Variants in SNED1 observed in about 807,000 individuals in gnomAD.
The protein encoded by SNED1 is sushi, nidogen and EGF-like domain-containing protein 1.
A neutral mutation model predicts 166.7 loss-of-function variants in SNED1; 81 were observed. The observed-to-expected ratio is 0.49, with a 90% CI of 0.41 to 0.58. The LOEUF is 0.58. Ranked by LOEUF, SNED1 falls within the 20% of genes least tolerant of loss-of-function variation. SNED1 has a pLI of 0.00. For synonymous variants in SNED1, 762 were observed against 822.0 expected (o/e 0.93, Z 1.25); for missense variants, 1,604 against 2,000.2 (o/e 0.80, Z 3.78).
At chr2:241,048,881 C>A in intron 10 of SNED1, 115 bp downstream of exon 10, 1 of 1,186,896 alleles carries the variant, frequency 8.4e-7, no homozygotes, top group Non-Finnish European at 1.2e-6. Context: ...TGGTTCTACC[C>A]CCACCCAGGA....
intron 31 of SNED1, chr2:241,089,980 C>A (rs1466199500): frequency 4.5e-6 from 7 of 1,548,010 alleles, no homozygotes; most frequent in Non-Finnish European, 6.1e-6. Context: ...AATGGTATAC[C>A]TGGGCAGGGC....
intron 8 of SNED1, among the ~76,000 whole-genome samples, chr2:241,044,312 C>T (rs960065887): frequency 1.3e-5 from 2 of 152,118 alleles, no homozygotes; most frequent in Admixed American, 1.3e-4. Context: ...CAAGAACCCA[C>T]TCTAAGTATA....
At chr2:241,084,118 G>A (rs1165093055) in intron 29 of SNED1, among the ~76,000 whole-genome samples, 1 of 148,758 alleles carries the variant, frequency 6.7e-6, no homozygotes, top group African/African-American at 2.5e-5. Flanking sequence ...AGTTCAATAT[G>A]ATGGCAGCGT....
intron 1 of SNED1, among the ~76,000 whole-genome samples, chr2:241,015,350 G>A (rs1285896006): frequency 6.6e-6 from 1 of 152,132 alleles, no homozygotes; most frequent in Non-Finnish European, 1.5e-5. Context: ...TTACTCTTAG[G>A]TACTTGGTTT....
At chr2:241,027,985 G>C (rs564946726) in intron 1 of SNED1, among the ~76,000 whole-genome samples, 1 of 151,928 alleles carries the variant, frequency 6.6e-6, no homozygotes, top group African/African-American at 2.4e-5. Flanking sequence ...CACCCACCTC[G>C]GCCTCCCAGA....
rs2062594239 is a variant in SNED1 at position 241,069,166 on chromosome 2, G to A, written c.3307+143G>A. 2 of 617,046 alleles carry A rather than the reference G, an allele frequency of 3.2e-6. No homozygotes were observed. 38.2% of individuals were successfully genotyped at this position (617,046 alleles called of 1,614,324 possible). A position where few individuals can be genotyped will look rare whatever the true frequency, so the allele number is the denominator to read the frequency against. On this transcript the variant is annotated intron_variant, in intron 23 of 31. Transcript: ENST00000310397. This position sits in a 1 kb window ranked among gnomAD's most constrained non-coding sequence, Gnocchi z 4.9. ...GGCCTCCCAGATGTCTCTTCCGCTG[G>A]GGCCACTGGGCAGGAGCCGCTGGGC...
At chr2:241,085,437 T>G (rs1381542607) in intron 29 of SNED1, among the ~76,000 whole-genome samples, 2 of 152,242 alleles carry the variant, frequency 1.3e-5, no homozygotes, top group Non-Finnish European at 2.9e-5. Flanking sequence ...CATTTAGTTG[T>G]TTCTTAGATG....
chr2:241,090,974 T>C (rs2063935161), intron 31 of SNED1, among the ~76,000 whole-genome samples: 1 of 152,090 alleles, frequency 6.6e-6, no homozygotes, highest in Non-Finnish European at 1.5e-5. Context: ...CATCGTGCAG[T>C]GCCTAACTGT....
chr2:241,035,318 C>T (rs2061313826), intron 4 of SNED1, among the ~76,000 whole-genome samples: 1 of 152,160 alleles, frequency 6.6e-6, no homozygotes, highest in Non-Finnish European at 1.5e-5. Context: ...TCCAGGGGTC[C>T]TTCCAGCCCA....
chr2:241,089,347 T>C lies in SNED1; in HGVS notation c.*1+945T>C, dbSNP rs2286322. 0.016 allele frequency: 24,716 copies of C among 1,550,502 alleles called. 2,072 individuals are homozygous for C. The East Asian group carries it at 0.21, about 13-fold the overall frequency. On this transcript the variant is annotated intron_variant, in intron 31 of 31. Transcript: ENST00000310397. ...GGGTAACAAGCCACTTCAAAACAGG[T>C]CTATGTTTTGTTACGTGCCTAAAAA...
intron 24 of SNED1, 68 bp downstream of exon 24, chr2:241,070,269 G>GA: frequency 6.7e-7 from 1 of 1,483,066 alleles, no homozygotes; most frequent in Non-Finnish European, 9.0e-7. Context: ...GTTCAGGACT[G>GA]ACCTGGCCCT....
intron 29 of SNED1, among the ~76,000 whole-genome samples, chr2:241,086,248 CTTCT>C (rs2063569203): frequency 1.3e-5 from 2 of 152,220 alleles, no homozygotes; most frequent in African/African-American, 4.8e-5. Flanking sequence ...CTCAGTAGTT[CTTCT>C]TTGCCTTGTG....
chr2:240,999,189 T>G lies in SNED1; in HGVS notation c.213+139T>G. On this transcript the variant is annotated intron_variant, in intron 1 of 31. Coordinates refer to ENST00000310397, the MANE Select transcript of SNED1 (RefSeq NM_001080437.3). This position sits in a 1 kb window ranked among gnomAD's most constrained non-coding sequence, Gnocchi z 5.8. The stretch of plus-strand genomic sequence containing the variant: ...GCCCGAGGTGGAATGAGGACAGCGC[T>G]TCCTCCTCGGCGGCCAAGGCCGGAC... The G allele has an allele frequency of 1.0e-5, 4 of 401,506 alleles. No homozygotes were observed. The highest frequency in any genetic ancestry group is 1.6e-5 in the Non-Finnish European group (4 of 256,738). The allele number at this position is 401,506 out of a possible 1,614,324, so 24.9% of individuals were successfully genotyped here.
chr2:241,052,922 G>A (rs1361761031), intron 15 of SNED1, among the ~76,000 whole-genome samples: 1 of 151,862 alleles, frequency 6.6e-6, no homozygotes, highest in Non-Finnish European at 1.5e-5. Flanking sequence ...GGGTCAAGTG[G>A]GGAGCGTGGG....
chr2:241,021,317 T>C (rs981333956), intron 1 of SNED1, among the ~76,000 whole-genome samples: 4 of 152,208 alleles, frequency 2.6e-5, no homozygotes, highest in Non-Finnish European at 5.9e-5. Context: ...TGCAGTTCAC[T>C]CTTTTAAAGT....
chr2:241,064,871 G>A lies in SNED1; in HGVS notation c.2627G>A (p.Cys876Tyr). 1.3e-6 allele frequency: 2 copies of A among 1,589,300 alleles called. No homozygotes were observed. The highest frequency in any genetic ancestry group is 1.7e-6 in the Non-Finnish European group (2 of 1,172,850). The part of the protein sequence containing the change: ...TVSDPCFSSP[C>Y]GGRGYCLASN... The stretch of plus-strand genomic sequence containing the variant: ...AGTGACCCCTGCTTCTCCAGCCCCT[G>A]TGGGGGCCGTGGCTATTGCCTGGCC... The change falls in exon 20 of 32, where the codon TGT becomes TAT. Residue 876 changes from cysteine to tyrosine, a missense_variant. Transcript: ENST00000310397. This position sits in a 1 kb window ranked among gnomAD's most constrained non-coding sequence, Gnocchi z 7.0.
chr2:241,088,526 C>A, intron 31 of SNED1, 124 bp downstream of exon 31: 2 of 790,732 alleles, frequency 2.5e-6, no homozygotes, highest in South Asian at 1.4e-5. Context: ...GAAGCGCGGT[C>A]CTGTGCTGCT....
chr2:240,998,805 G>A lies in SNED1; in HGVS notation c.-33G>A. The stretch of plus-strand genomic sequence containing the variant: ...GCCTAGTCCCCCAGCGCCCTGCTCC[G>A]CCAGCGCCCCGTCCCGCCCGCACAC... On this transcript the variant is annotated 5_prime_UTR_variant, in exon 1 of 32. Transcript: ENST00000310397. 1 of 1,120,648 alleles carries A rather than the reference G, an allele frequency of 8.9e-7. No homozygotes were observed. The highest frequency in any genetic ancestry group is 1.1e-6 in the Non-Finnish European group (1 of 910,872). The allele number at this position is 1,120,648 out of a possible 1,614,324, so 69.4% of individuals were successfully genotyped here.
intron 21 of SNED1, among the ~76,000 whole-genome samples, chr2:241,066,687 C>T (rs1305881284): frequency 6.6e-6 from 1 of 152,142 alleles, no homozygotes; most frequent in Non-Finnish European, 1.5e-5. Context: ...CAGCAGGGCC[C>T]TGCGGGGCGG....
Sources: allele counts gnomAD v4.1 joint callset (sites outside exome capture counted in the v4.1 genomes callset), GRCh38; gene constraint gnomAD v4.1.1; non-coding constraint Gnocchi (gnomAD v3.1); transcripts MANE v1.5; gene names NCBI Gene and HGNC (gene_info 2026-07-23, HGNC 2026-07-21).